ASAP2: variants seen among roughly 807,000 people sequenced by gnomAD.
ASAP2 encodes the protein ArfGAP with SH3 domain, ankyrin repeat and PH domain 2, also known as arf-GAP with SH3 domain, ANK repeat and PH domain-containing protein 2.
ASAP2 carries 45 observed loss-of-function variants against 131.4 expected under a neutral mutation model. That is an observed-to-expected ratio of 0.34 (90% confidence interval 0.27 to 0.44). The LOEUF is 0.44. Among genes scored for constraint, ASAP2 ranks in the 20% least tolerant of loss-of-function variants. ASAP2 has a pLI of 1.00. For synonymous variants in ASAP2, 510 were observed against 503.0 expected, an observed-to-expected ratio of 1.01 and a Z score of -0.19; for missense variants, 1,011 against 1,297.0, an observed-to-expected ratio of 0.78 and a Z score of 3.39.
intron 1 of ASAP2, among the ~76,000 whole-genome samples, chr2:9,269,708 G>A (rs1666206576): frequency 6.6e-6 from 1 of 152,256 alleles, no homozygotes; most frequent in South Asian, 2.1e-4. Flanking sequence ...CTGCCTGGGT[G>A]GCTGTAGCTC....
chr2:9,400,213 GCCCCCTC>G (rs1413068762), intron 25 of ASAP2, 141 bp downstream of exon 25: 63 of 657,096 alleles, frequency 9.6e-5, no homozygotes, highest in African/African-American at 3.9e-4. Context: ...CTCCCCTCCT[GCCCCCTC>G]CCCTCCTGCC....
intron 1 of ASAP2, among the ~76,000 whole-genome samples, chr2:9,222,036 C>T (rs1662459559): frequency 6.6e-6 from 1 of 152,136 alleles, no homozygotes; most frequent in African/African-American, 2.4e-5. Context: ...GATCTGCCCG[C>T]CTCGGCCTCC....
chr2:9,334,933 C>T (rs1259837119), intron 8 of ASAP2, 120 bp downstream of exon 8: 19 of 1,348,990 alleles, frequency 1.4e-5, no homozygotes, highest in East Asian at 4.7e-5. Context: ...TGGAGTGTGG[C>T]GTTCCCACGC....
chr2:9,241,498 G>A (rs761442141), intron 1 of ASAP2, among the ~76,000 whole-genome samples: 126 of 152,114 alleles, frequency 8.3e-4, no homozygotes, highest in Non-Finnish European at 8.2e-4. Context: ...CAGCACACTG[G>A]GAGGCCAAAG....
At chr2:9,314,089 T>A (rs571635995) in intron 3 of ASAP2, among the ~76,000 whole-genome samples, 2 of 152,354 alleles carry the variant, frequency 1.3e-5, no homozygotes, top group South Asian at 4.1e-4. Flanking sequence ...ATTCAAGTGA[T>A]TCTCCTGCCT....
intron 2 of ASAP2, among the ~76,000 whole-genome samples, chr2:9,286,447 A>AAAAAAATATATATATATAT (rs58605449): frequency 2.0e-5 from 3 of 148,420 alleles, no homozygotes; most frequent in African/African-American, 5.1e-5. Flanking sequence ...GAAAAAAAAA[A>AAAAAAATATATATATATAT]ATATATATAT....
intron 9 of ASAP2, among the ~76,000 whole-genome samples, chr2:9,343,882 A>G (rs962277934): frequency 3.7e-4 from 57 of 152,346 alleles, no homozygotes; most frequent in Non-Finnish European, 2.4e-4. Context: ...TGGTAGATTC[A>G]ATCAGATTCT....
rs1282235950 is a variant in ASAP2 at position 9,281,720 on chromosome 2, C to T, written c.199+2331C>T. 3.9e-5 allele frequency among the ~76,000 whole-genome samples: 6 copies of T among 152,178 alleles called. No homozygotes were observed. The highest frequency in any genetic ancestry group is 1.4e-4 in the African/African-American group (6 of 41,446). ...AAAGATGGTTCTCTTACCACAGATCCATCCAAAGATTTTAATGTGCTAGTA... is the reference window on the plus strand; with the variant it reads ...AAAGATGGTTCTCTTACCACAGATCTATCCAAAGATTTTAATGTGCTAGTA... On this transcript the variant is annotated intron_variant, in intron 2 of 27. Transcript: ENST00000281419. The surrounding 1 kb of genome is among the most constrained non-coding windows in gnomAD (Gnocchi z 4.0).
intron 13 of ASAP2, 22 bp from the exon 14 acceptor site, chr2:9,356,157 A>G: frequency 1.2e-6 from 2 of 1,614,154 alleles, no homozygotes; most frequent in South Asian, 1.1e-5. Context: ...AATTTAACAC[A>G]GCGTTGCTCT....
At chr2:9,285,746 A>C (rs540197443) in intron 2 of ASAP2, among the ~76,000 whole-genome samples, 98 of 152,350 alleles carry the variant, frequency 6.4e-4, no homozygotes, top group African/African-American at 2.3e-3. Flanking sequence ...GAAGATTTTC[A>C]TTTTCACTTC....
At chr2:9,296,622 C>CT (rs1471378548) in intron 2 of ASAP2, among the ~76,000 whole-genome samples, 3 of 152,290 alleles carry the variant, frequency 2.0e-5, no homozygotes, top group Non-Finnish European at 2.9e-5. Context: ...TCTGTCAACT[C>CT]TAAGCACATC....
chr2:9,216,282 A>ATTTT (rs113751391), intron 1 of ASAP2, among the ~76,000 whole-genome samples: 1 of 123,720 alleles, frequency 8.1e-6, no homozygotes, highest in African/African-American at 3.0e-5. Flanking sequence ...GTCAGTTCAT[A>ATTTT]TTTTTTTTTT....
chr2:9,374,969 TTAAA>T, intron 17 of ASAP2, 25 bp downstream of exon 17: 1 of 1,526,634 alleles, frequency 6.6e-7, no homozygotes, highest in Non-Finnish European at 8.7e-7. Context: ...TGTTGCTACT[TTAAA>T]AAAAAAAAAA....
At chr2:9,352,750 T>C (rs1572526680) in intron 12 of ASAP2, among the ~76,000 whole-genome samples, 2 of 152,182 alleles carry the variant, frequency 1.3e-5, no homozygotes, top group Non-Finnish European at 2.9e-5. Flanking sequence ...TTTACCAAGA[T>C]CCTGCCAGTG....
intron 11 of ASAP2, among the ~76,000 whole-genome samples, chr2:9,346,504 A>G (rs2148614079): frequency 6.6e-6 from 1 of 152,254 alleles, no homozygotes; most frequent in East Asian, 1.9e-4. Flanking sequence ...GACCAAGGGA[A>G]GCAAATTTAT....
rs1220403968 is a variant in ASAP2, at chr2:9,405,539, A to G, written c.*2212A>G. 1 of 152,638 alleles carries G rather than the reference A, an allele frequency of 6.6e-6. No individual in the cohort carries two copies. The highest frequency in any genetic ancestry group is 1.5e-5 in the Non-Finnish European group (1 of 68,050). The allele number at this position is 152,638 out of a possible 1,614,324, so 9.5% of individuals were successfully genotyped here. On this transcript the variant is annotated 3_prime_UTR_variant, in exon 28 of 28. Coordinates refer to ENST00000281419, the MANE Select transcript of ASAP2 (RefSeq NM_003887.3). ...ACCTGATTACTTTGGTTGCAGCACA[A>G]CTGTATATATTGTATAACCGAAATT...
At chr2:9,284,272 A>C (rs947893890) in intron 2 of ASAP2, among the ~76,000 whole-genome samples, 6 of 152,150 alleles carry the variant, frequency 3.9e-5, no homozygotes, top group African/African-American at 9.7e-5. Context: ...ATCAGTTTCC[A>C]CTGTTTTGTT....
intron 3 of ASAP2, among the ~76,000 whole-genome samples, chr2:9,298,377 G>A (rs962735711): frequency 6.6e-6 from 1 of 152,222 alleles, no homozygotes; most frequent in Non-Finnish European, 1.5e-5. Context: ...TTCCTAATGG[G>A]AAGGGGAAGA....
chr2:9,239,282 C>G lies in ASAP2; in HGVS notation c.126+32052C>G, dbSNP rs118172004. Among the ~76,000 whole-genome samples, 66 of 152,322 alleles carry G rather than the reference C, an allele frequency of 4.3e-4. No individual in the cohort carries two copies. The East Asian group carries it at 0.013, about 29-fold the overall frequency. ...GGGGTAAGCACAGATTTGGTGTCAT[C>G]ATGTTGGGATTTGAGGATTAGCTGT... On this transcript the variant is annotated intron_variant, in intron 1 of 27. Transcript: ENST00000281419.
Sources: gnomAD v4.1 joint callset for allele counts (sites outside exome capture counted in the v4.1 genomes callset) on GRCh38, gnomAD v4.1.1 for gene constraint, Gnocchi (gnomAD v3.1) non-coding constraint, MANE v1.5 for transcripts, NCBI Gene and HGNC (gene_info 2026-07-23, HGNC 2026-07-21) for gene names.